TMEM40: variants seen among roughly 807,000 people sequenced by gnomAD.
TMEM40 encodes transmembrane protein 40.
TMEM40 carries 34 observed loss-of-function variants against 40.8 expected under a neutral mutation model. The observed-to-expected ratio is 0.83, with a 90% CI of 0.63 to 1.11. TMEM40 has a LOEUF of 1.11. Ranked by LOEUF, TMEM40 falls within the 50% of genes least tolerant of loss-of-function variation. The pLI, the probability that TMEM40 is intolerant of heterozygous loss-of-function variation, is 0.00. For synonymous variants in TMEM40, 106 were observed against 107.0 expected, an observed-to-expected ratio of 0.99 and a Z score of 0.06; for missense variants, 296 against 280.2, an observed-to-expected ratio of 1.06 and a Z score of -0.40.
rs1008613021 is a variant in TMEM40, at chr3:12,735,627, A to C, written c.620-10T>G. ...CTGTGGATACGGTACACTGCTCAGA[A>C]GCAAAGAAAAAAGTAAGTTAAGTTT... On this transcript the variant is annotated splice_polypyrimidine_tract_variant and intron_variant, in intron 10 of 11. Transcript: ENST00000314124. 3 of 1,608,808 alleles carry C rather than the reference A, an allele frequency of 1.9e-6. No homozygotes were observed. Among genetic ancestry groups the C allele is most frequent in the Admixed American group, 1.7e-5 (1 of 58,054 alleles).
intron 1 of TMEM40, among the ~76,000 whole-genome samples, chr3:12,758,222 G>A (rs563602347): frequency 6.8e-4 from 104 of 152,106 alleles, no homozygotes; most frequent in Non-Finnish European, 1.2e-3. Flanking sequence ...TTTTCACAAG[G>A]AGGATTTCCC....
intron 1 of TMEM40, among the ~76,000 whole-genome samples, chr3:12,769,036 C>A (rs1046609732): frequency 6.6e-6 from 1 of 151,890 alleles, no homozygotes; most frequent in African/African-American, 2.4e-5. Flanking sequence ...TAAGGCCCTG[C>A]GAGAAATCGA....
At chr3:12,748,516 G>A in intron 3 of TMEM40, 139 bp downstream of exon 3, 2 of 1,237,164 alleles carry the variant, frequency 1.6e-6, no homozygotes, top group Non-Finnish European at 2.2e-6. Context: ...AGCACATGTA[G>A]ACAGATCGGC....
At chr3:12,751,178 C>T (rs572189923) in intron 1 of TMEM40, among the ~76,000 whole-genome samples, 71 of 150,922 alleles carry the variant, frequency 4.7e-4, no homozygotes, top group Non-Finnish European at 7.1e-4. Context: ...ATTGTGAATG[C>T]GTGTTTCCTT....
At chr3:12,756,737 T>C (rs1001301624) in intron 1 of TMEM40, among the ~76,000 whole-genome samples, 17 of 152,012 alleles carry the variant, frequency 1.1e-4, no homozygotes, top group African/African-American at 4.1e-4. Flanking sequence ...TCTCTGTTTC[T>C]TTCTTTCCCA....
intron 3 of TMEM40, among the ~76,000 whole-genome samples, chr3:12,747,865 C>A (rs2106614841): frequency 7.1e-6 from 1 of 140,242 alleles, no homozygotes; most frequent in South Asian, 2.3e-4. Context: ...GAGCCAAGAT[C>A]ACGCCGCTGC....
intron 1 of TMEM40, 127 bp downstream of exon 1, chr3:12,759,064 C>T (rs2061550785): frequency 6.6e-6 from 1 of 152,212 alleles, no homozygotes. Context: ...AGATGCAGAG[C>T]TGGGACTCAA....
Position 12,738,537 on chromosome 3 carries a change from C to G in TMEM40, c.391+16G>C, listed in dbSNP as rs758757805. 4 of 1,613,916 alleles carry G rather than the reference C, an allele frequency of 2.5e-6. No individual in the cohort carries two copies. The East Asian group carries it at 6.7e-5, about 27-fold the overall frequency. On this transcript the variant is annotated intron_variant, in intron 6 of 11. Transcript: ENST00000314124. ...TACCAGCACCAACGACCTCTCTCCT[C>G]TAACTGGACACTCACCTGATTCCCC... is the stretch of plus-strand genomic sequence containing the variant.
At chr3:12,761,831 G>T (rs2061570055), upstream of TMEM40, among the ~76,000 whole-genome samples, 1 of 152,104 alleles carries the variant, frequency 6.6e-6, no homozygotes, top group Admixed American at 6.5e-5. Flanking sequence ...GGATTGAAAT[G>T]TGCTGTGAGT....
intron 11 of TMEM40, among the ~76,000 whole-genome samples, 178 bp downstream of exon 11, chr3:12,735,377 G>C (rs1209533858): frequency 6.6e-6 from 1 of 151,948 alleles, no homozygotes; most frequent in Non-Finnish European, 1.5e-5. Flanking sequence ...TTCCAGTTGA[G>C]GAAACCGAGG....
chr3:12,737,483 G>C (rs919548921), intron 8 of TMEM40: 7 of 594,550 alleles, frequency 1.2e-5, no homozygotes, highest in Middle Eastern at 4.4e-4. Context: ...CCACTCACAA[G>C]CTGTAAGGCC....
chr3:12,753,695 C>T (rs1041328077), intron 1 of TMEM40, among the ~76,000 whole-genome samples: 5 of 152,126 alleles, frequency 3.3e-5, no homozygotes, highest in Non-Finnish European at 7.4e-5. Context: ...ACTCAGGTGG[C>T]CCCCACATCC....
intron 1 of TMEM40, among the ~76,000 whole-genome samples, chr3:12,758,082 A>G (rs2106622293): frequency 6.6e-6 from 1 of 151,934 alleles, no homozygotes; most frequent in East Asian, 1.9e-4. Context: ...AAAAAAAAAA[A>G]AGAAAGAAAG....
chr3:12,735,308 T>C (rs1272705414), intron 11 of TMEM40, among the ~76,000 whole-genome samples: 2 of 152,218 alleles, frequency 1.3e-5, no homozygotes, highest in South Asian at 2.1e-4. Flanking sequence ...GGCCTTTGCA[T>C]CCATTCCTCA....
At position 12,736,850 on chromosome 3, in the gene TMEM40, G is replaced by A. The variant is rs1173300151; in HGVS notation, c.473-15C>T. On this transcript the variant is annotated splice_polypyrimidine_tract_variant and intron_variant, in intron 8 of 11. Coordinates refer to ENST00000314124, the MANE Select transcript of TMEM40 (RefSeq NM_018306.4). ...GAAAAACTCATCTGTGAAGGCAGGG[G>A]TGGGCAATCACTATCTGCTGCTTTC... The A allele has an allele frequency of 6.2e-7, 1 of 1,614,132 alleles. No individual in the cohort carries two copies. Among genetic ancestry groups the A allele is most frequent in the Non-Finnish European group, 8.5e-7 (1 of 1,180,008 alleles).
At chr3:12,768,864 C>T (rs2061607012) in intron 1 of TMEM40, among the ~76,000 whole-genome samples, 1 of 143,750 alleles carries the variant, frequency 7.0e-6, no homozygotes, top group African/African-American at 2.6e-5. Context: ...ATTGGGGAGG[C>T]TCGGCCCTGC....
upstream of TMEM40, among the ~76,000 whole-genome samples, chr3:12,761,098 A>T (rs909880212): frequency 5.3e-5 from 8 of 152,224 alleles, no homozygotes; most frequent in Non-Finnish European, 8.8e-5. Flanking sequence ...TGTTCCAAGG[A>T]TATTCCATGC....
At chr3:12,755,113 T>C (rs1228593589) in intron 1 of TMEM40, among the ~76,000 whole-genome samples, 3 of 150,580 alleles carry the variant, frequency 2.0e-5, no homozygotes, top group African/African-American at 7.3e-5. Flanking sequence ...TTTTTTCTTT[T>C]TTCTTTTCTA....
intron 1 of TMEM40, among the ~76,000 whole-genome samples, chr3:12,755,231 CTCTCTTTCTTTCTTTCTTTCTT>C (rs2061515455): frequency 1.0e-5 from 1 of 98,058 alleles, no homozygotes; most frequent in Admixed American, 9.7e-5. Flanking sequence ...CTCTCTCTCT[CTCTCTTTCTTTCTTTCTTTCTT>C]TCTTTCTTTC....
Sources: allele counts gnomAD v4.1 joint callset (sites outside exome capture counted in the v4.1 genomes callset), GRCh38; gene constraint gnomAD v4.1.1; transcripts MANE v1.5; gene names NCBI Gene and HGNC (gene_info 2026-07-23, HGNC 2026-07-21).